The following COPG1 variants were observed in gnomAD, a reference collection of about 807,000 sequenced individuals.
The protein encoded by COPG1 is coat protein complex I subunit gamma 1.
COPG1 carries 29 observed loss-of-function variants against 102.8 expected under a neutral mutation model. That is an observed-to-expected ratio of 0.28 (90% CI 0.21 to 0.38). COPG1 has a LOEUF of 0.38. Among genes scored for constraint, COPG1 ranks in the 10% least tolerant of loss-of-function variants. COPG1 has a pLI of 1.00. For missense variants in COPG1, 875 were observed against 1,132.7 expected (o/e 0.77, Z 3.27); for synonymous variants, 406 against 421.6 (o/e 0.96, Z 0.45).
chr3:129,272,513 C>T, intron 20 of COPG1, 98 bp downstream of exon 20: 1 of 943,748 alleles, frequency 1.1e-6, no homozygotes, highest in Non-Finnish European at 1.6e-6. Flanking sequence ...TCTATTAGAG[C>T]TTCAGCTCCT....
In COPG1 at chr3:129,260,395, A is replaced by G; in HGVS notation, c.934A>G (p.Asn312Asp). ...ALRYAAVRTL[N>D]KVAMKHPSAV... The stretch of plus-strand genomic sequence containing the variant: ...CCGCTATGCTGCTGTTCGTACCCTC[A>G]ATAAGGTAAGAGTCCAGCTTGGGGG... The change falls in exon 11 of 24, where the codon AAT becomes GAT. Residue 312 changes from asparagine (N) to aspartate (D), a missense_variant. Asn to Asp is a conservative substitution (Grantham distance 23). Transcript: ENST00000314797. 1 of 1,614,010 alleles carries G rather than the reference A, an allele frequency of 6.2e-7. No individual in the cohort carries two copies. The highest frequency in any genetic ancestry group is 8.5e-7 in the Non-Finnish European group (1 of 1,179,924).
chr3:129,265,889 C>T, intron 14 of COPG1, 97 bp downstream of exon 14: 1 of 1,233,974 alleles, frequency 8.1e-7, no homozygotes, highest in Non-Finnish European at 1.1e-6. Flanking sequence ...TTTGTGCACT[C>T]AGTGTTCTTG....
chr3:129,253,803 C>A (rs1020433397), intron 5 of COPG1, among the ~76,000 whole-genome samples: 2 of 151,978 alleles, frequency 1.3e-5, no homozygotes, highest in Non-Finnish European at 2.9e-5. Flanking sequence ...AGTTTGAGAC[C>A]ATCCTGGCCA....
chr3:129,254,616 G>C, intron 5 of COPG1, 52 bp from the exon 6 acceptor site: 2 of 1,401,924 alleles, frequency 1.4e-6, no homozygotes, highest in Non-Finnish European at 2.0e-6. Context: ...AGCTGGAGAG[G>C]AGTAAACAGG....
Position 129,268,971 on chromosome 3 carries a change from T to C in COPG1, c.1814T>C (p.Val605Ala). The C allele has an allele frequency of 6.2e-7, 1 of 1,614,136 alleles. No homozygotes were observed. Among genetic ancestry groups the C allele is most frequent in the Non-Finnish European group, 8.5e-7 (1 of 1,180,014 alleles). ...ACAGCAGTCAAACAGCCTGAGAAAG[T>C]GGCAGCTACCAGGCAGGAGATCTTC... ...PITAVKQPEKVAATRQEIFQE... is the reference protein window; with the variant it reads ...PITAVKQPEKAAATRQEIFQE... Residue 605 changes from valine (V) to alanine (A), a missense_variant, in exon 18 of 24, where the codon GTG becomes GCG. Val to Ala is a moderately conservative substitution (Grantham distance 64, BLOSUM62 0). Coordinates refer to ENST00000314797, the MANE Select transcript of COPG1 (RefSeq NM_016128.4).
At chr3:129,268,119 C>G (rs748511377) in intron 16 of COPG1, 79 bp downstream of exon 16, 1 of 1,272,366 alleles carries the variant, frequency 7.9e-7, no homozygotes, top group Non-Finnish European at 1.1e-6. Flanking sequence ...CAGGGGAAAT[C>G]AGAGGCAAGA....
chr3:129,254,653 C>G lies in COPG1; in HGVS notation c.324-15C>G, dbSNP rs986880038. ...CCAGGCTCTCTGCATGCTGACAATG[C>G]CTTCTTCCCTGCAGCCTAACAAAAG... On this transcript the variant is annotated splice_polypyrimidine_tract_variant and intron_variant, in intron 5 of 23. Coordinates refer to ENST00000314797, the MANE Select transcript of COPG1 (RefSeq NM_016128.4). 1 of 1,610,794 alleles carries G rather than the reference C, an allele frequency of 6.2e-7. No homozygotes were observed. The highest frequency in any genetic ancestry group is 1.3e-5 in the African/African-American group (1 of 74,862).
chr3:129,271,650 C>T lies in COPG1; in HGVS notation c.1844-117C>T. The T allele has an allele frequency of 8.2e-7, 1 of 1,216,772 alleles. No individual in the cohort carries two copies. Among genetic ancestry groups the T allele is most frequent in the Non-Finnish European group, 1.2e-6 (1 of 859,912 alleles). The allele number at this position is 1,216,772 out of a possible 1,614,324, so 75.4% of individuals were successfully genotyped here. Reference sequence around the variant, plus strand: ...TGAGTAGCCAGTTGGGTAAACATATCTATCCATCTAAGGTAGGGTGGAACA... The same window carrying T: ...TGAGTAGCCAGTTGGGTAAACATATTTATCCATCTAAGGTAGGGTGGAACA... On this transcript the variant is annotated intron_variant, in intron 18 of 23. Coordinates refer to ENST00000314797, the MANE Select transcript of COPG1 (RefSeq NM_016128.4). This position sits in a 1 kb window ranked among gnomAD's most constrained non-coding sequence, Gnocchi z 4.7.
At chr3:129,264,344 G>A (rs1453949593) in intron 13 of COPG1, among the ~76,000 whole-genome samples, 1 of 152,154 alleles carries the variant, frequency 6.6e-6, no homozygotes, top group African/African-American at 2.4e-5. Flanking sequence ...TTGTGAAACC[G>A]GTGCTAATAA....
At chr3:129,250,222 A>G (rs545034691) in intron 1 of COPG1, among the ~76,000 whole-genome samples, 2 of 152,322 alleles carry the variant, frequency 1.3e-5, no homozygotes, top group South Asian at 4.1e-4. Context: ...GGATACTGCA[A>G]CAGAGCAAGT....
chr3:129,266,231 A>G (rs1232033067), intron 14 of COPG1, among the ~76,000 whole-genome samples: 1 of 151,888 alleles, frequency 6.6e-6, no homozygotes, highest in Non-Finnish European at 1.5e-5. Context: ...CGGCCTCCCA[A>G]AAGTGCTGGG....
intron 21 of COPG1, chr3:129,274,197 AAGAG>A (rs911064921): frequency 1.5e-4 from 66 of 429,934 alleles, no homozygotes; most frequent in South Asian, 3.0e-4. Context: ...AAAAAAAAAA[AAGAG>A]AGAGAGAGCT....
rs751076012 is a variant in COPG1 at position 129,256,064 on chromosome 3, A to G, written c.493-4A>G. 6.2e-7 allele frequency: 1 copy of G among 1,613,562 alleles called. No homozygotes were observed. The highest frequency in any genetic ancestry group is 2.2e-5 in the East Asian group (1 of 44,870). On this transcript the variant is annotated splice_region_variant and splice_polypyrimidine_tract_variant and intron_variant, in intron 7 of 23. Coordinates refer to ENST00000314797, the MANE Select transcript of COPG1 (RefSeq NM_016128.4). ...TGCCCCTTAATGTGTCCTGTTGCCCACAGCACCTGCTGAAGTGCAGCTTTG... is the reference window on the plus strand; with the variant it reads ...TGCCCCTTAATGTGTCCTGTTGCCCGCAGCACCTGCTGAAGTGCAGCTTTG...
rs561569429 is a variant in COPG1, at chr3:129,249,812, C to T, written c.37+66C>T. 9 of 1,520,698 alleles carry T rather than the reference C, an allele frequency of 5.9e-6. No individual in the cohort carries two copies. In the African/African-American group the frequency reaches 8.3e-5, roughly 14 times the overall value. The allele number at this position is 1,520,698 out of a possible 1,614,324, so 94.2% of individuals were successfully genotyped here. On this transcript the variant is annotated intron_variant, in intron 1 of 23. Coordinates refer to ENST00000314797, the MANE Select transcript of COPG1 (RefSeq NM_016128.4). ...CACCCGCCGAGCTTTCCTTCTGGTT[C>T]TCTGTCCTGACCCGGAGGCTGAGGC...
Position 129,255,026 on chromosome 3 carries a change from C to T in COPG1, c.441C>T (p.Ala147=), listed in dbSNP as rs1939777639. 6.2e-7 allele frequency: 1 copy of T among 1,614,044 alleles called. No individual in the cohort carries two copies. The highest frequency in any genetic ancestry group is 1.3e-5 in the African/African-American group (1 of 74,912). ...LQAIERYMKQ[A]IVDKVPSVSS... The stretch of plus-strand genomic sequence containing the variant: ...CTATTGAGCGCTACATGAAACAAGC[C>T]ATTGTGGACAAGGTGCCCAGTGTCT... Residue 147 remains alanine (A), a synonymous_variant, in exon 7 of 24, where the codon GCC becomes GCT. Transcript: ENST00000314797.
At position 129,257,702 on chromosome 3, in the gene COPG1, C is replaced by T. The variant is rs199570967; in HGVS notation, c.738-25C>T. On this transcript the variant is annotated intron_variant, in intron 9 of 23. Transcript: ENST00000314797. ...CATGCTGGGCCACCCCCAACGTTTT[C>T]TTGCCACCCTATGTTCTTTTGTAGC... 485 of 1,613,288 alleles carry T rather than the reference C, an allele frequency of 3.0e-4. 4 individuals carry two copies. The East Asian group carries it at 8.5e-3, about 28-fold the overall frequency.
At chr3:129,276,162 C>T (rs1940267455) in intron 23 of COPG1, among the ~76,000 whole-genome samples, 1 of 152,156 alleles carries the variant, frequency 6.6e-6, no homozygotes, top group Non-Finnish European at 1.5e-5. Context: ...AATATGTTAC[C>T]ACACTTTATG....
chr3:129,249,835 G>A, intron 1 of COPG1, 89 bp downstream of exon 1: 10 of 1,377,424 alleles, frequency 7.3e-6, no homozygotes, highest in Non-Finnish European at 1.0e-5. Context: ...CGGAGGCTGA[G>A]GCCCAGTGAG....
intron 12 of COPG1, among the ~76,000 whole-genome samples, chr3:129,262,723 A>G (rs1200284723): frequency 1.2e-5 from 1 of 82,730 alleles, no homozygotes; most frequent in Non-Finnish European, 2.3e-5. Flanking sequence ...ACCTTGTCTG[A>G]AAAAAAAAAA....
Sources: gnomAD v4.1 joint callset for allele counts (sites outside exome capture counted in the v4.1 genomes callset) on GRCh38, gnomAD v4.1.1 for gene constraint, Gnocchi (gnomAD v3.1) non-coding constraint, MANE v1.5 for transcripts, NCBI Gene and HGNC (gene_info 2026-07-23, HGNC 2026-07-21) for gene names.